EXTL3: variants seen among roughly 807,000 people sequenced by gnomAD.
EXTL3 encodes exostosin-like 3.
Under a neutral mutation model 69.3 loss-of-function variants are expected in EXTL3, and 27 were observed. That is an observed-to-expected ratio of 0.39 (90% CI 0.29 to 0.54). The LOEUF is 0.54. Among genes scored for constraint, EXTL3 ranks in the 20% least tolerant of loss-of-function variants. The probability of loss-of-function intolerance (pLI) is 0.69; values close to 1 mark genes in which losing one functional copy is unlikely to be tolerated. For synonymous variants in EXTL3, 511 were observed against 499.4 expected (o/e 1.02, Z -0.31); for missense variants, 1,003 against 1,231.8 (o/e 0.81, Z 2.78).
chr8:28,705,759 G>A lies in EXTL3; in HGVS notation c.-570+4100G>A, dbSNP rs2130711498. Among the ~76,000 whole-genome samples, 4 of 152,308 alleles carry A rather than the reference G, an allele frequency of 2.6e-5. No individual in the cohort carries two copies. In the South Asian group the frequency reaches 8.3e-4, roughly 32 times the overall value. On this transcript the variant is annotated intron_variant, in intron 1 of 6. Transcript: ENST00000220562. Reference sequence around the variant, plus strand: ...TAGGCACTTGCATACTAAGTTGACTGTTCTGAGAATAAGTTAGCAAAATCC... The same window carrying A: ...TAGGCACTTGCATACTAAGTTGACTATTCTGAGAATAAGTTAGCAAAATCC...
intron 1 of EXTL3, among the ~76,000 whole-genome samples, chr8:28,689,821 A>C (rs1321945664): frequency 6.6e-6 from 1 of 152,264 alleles, no homozygotes; most frequent in African/African-American, 2.4e-5. Flanking sequence ...TTAAGCATAT[A>C]AACTTGCAGG....
At chr8:28,672,801 T>C (rs1807318120) in intron 1 of EXTL3, among the ~76,000 whole-genome samples, 2 of 152,190 alleles carry the variant, frequency 1.3e-5, no homozygotes, top group Admixed American at 6.5e-5. Flanking sequence ...GTAACCGATA[T>C]GGTTTGGCTG....
Position 28,717,261 on chromosome 8 carries a change from A to G in EXTL3, c.1202A>G (p.Lys401Arg). ...CAGGTCCTGGTGGAATTCACCTGCA[A>G]AAACCAGCCCAAACCCAGCCTGCCG... ...LDQVLVEFTCKNQPKPSLPTE... is the reference protein window; with the variant it reads ...LDQVLVEFTCRNQPKPSLPTE... The change falls in exon 3 of 7, where the codon AAA (lysine) becomes AGA (arginine). Residue 401 changes from lysine to arginine, a missense_variant. Lys to Arg is a conservative substitution (Grantham distance 26). Around this residue, in one of 2 missense-constraint regions of EXTL3, gnomAD observed 742 missense variants for 815.4 expected, o/e 0.91. Transcript: ENST00000220562. This position sits in a 1 kb window ranked among gnomAD's most constrained non-coding sequence, Gnocchi z 8.3. 1.2e-6 allele frequency: 2 copies of G among 1,614,224 alleles called. No individual in the cohort carries two copies. Among genetic ancestry groups the G allele is most frequent in the Non-Finnish European group, 1.7e-6 (2 of 1,180,040 alleles).
chr8:28,705,350 GTAA>G (rs963399139), intron 1 of EXTL3, among the ~76,000 whole-genome samples: 2 of 152,138 alleles, frequency 1.3e-5, no homozygotes, highest in Non-Finnish European at 2.9e-5. Flanking sequence ...CAGAAATATG[GTAA>G]TGATGATGGG....
At chr8:28,614,520 C>T (rs978701494) in intron 2 of EXTL3, among the ~76,000 whole-genome samples, 7 of 151,956 alleles carry the variant, frequency 4.6e-5, no homozygotes, top group South Asian at 2.1e-4. Flanking sequence ...GCGATCCACC[C>T]GCCTCGGCCT....
chr8:28,701,034 T>C (rs1178595751), upstream of EXTL3: 2 of 152,290 alleles, frequency 1.3e-5, no homozygotes, highest in African/African-American at 4.8e-5. Flanking sequence ...GTCTTTGTTA[T>C]GAAATAGTCA....
upstream of EXTL3, chr8:28,697,293 T>C (rs1585256340): frequency 1.3e-5 from 2 of 152,208 alleles, no homozygotes; most frequent in African/African-American, 2.4e-5. Flanking sequence ...ACTGTGATGT[T>C]TGGACCAGGA....
chr8:28,639,217 T>C (rs1481761839), intron 1 of EXTL3, among the ~76,000 whole-genome samples: 1 of 152,164 alleles, frequency 6.6e-6, no homozygotes, highest in Non-Finnish European at 1.5e-5. Flanking sequence ...ATTACAGGCG[T>C]GAGCCACCGC....
chr8:28,649,368 CT>C (rs781086717), intron 1 of EXTL3, among the ~76,000 whole-genome samples: 1 of 152,168 alleles, frequency 6.6e-6, no homozygotes, highest in Non-Finnish European at 1.5e-5. Flanking sequence ...GCTTTTGCTT[CT>C]CCTCTGTCTC....
At chr8:28,738,573 C>T (rs925630781) in intron 5 of EXTL3, among the ~76,000 whole-genome samples, 2 of 152,176 alleles carry the variant, frequency 1.3e-5, no homozygotes, top group Non-Finnish European at 2.9e-5. Context: ...TGAAGTGTTC[C>T]CGGGCCCTGA....
chr8:28,651,549 T>C (rs1023413518), intron 1 of EXTL3, among the ~76,000 whole-genome samples: 1 of 152,152 alleles, frequency 6.6e-6, no homozygotes, highest in African/African-American at 2.4e-5. Context: ...AATCTCAAAC[T>C]CCTGGGCTCA....
chr8:28,713,840 C>T (rs979477589), intron 2 of EXTL3, among the ~76,000 whole-genome samples: 1 of 151,886 alleles, frequency 6.6e-6, no homozygotes, highest in Non-Finnish European at 1.5e-5. Context: ...GTGACTCACA[C>T]CATCATTTCC....
chr8:28,720,351 C>T (rs1368160136), intron 3 of EXTL3, among the ~76,000 whole-genome samples: 2 of 152,086 alleles, frequency 1.3e-5, no homozygotes, highest in Admixed American at 1.3e-4. Context: ...AGTGAATCTA[C>T]CCAGGAACCT....
At chr8:28,714,133 TGACCTCAGGA>T (rs1053725960) in intron 2 of EXTL3, among the ~76,000 whole-genome samples, 6 of 152,124 alleles carry the variant, frequency 3.9e-5, no homozygotes, top group Non-Finnish European at 2.9e-5. Flanking sequence ...CTCAAACTCC[TGACCTCAGGA>T]GATCCGCTCG....
rs140221337 is a variant in EXTL3 at position 28,662,896 on chromosome 8, G to T, written c.-53+40086G>T. 3.1e-3 allele frequency among the ~76,000 whole-genome samples: 476 copies of T among 152,264 alleles called. 7 individuals are homozygous for T. Among genetic ancestry groups the T allele is most frequent in the African/African-American group, 0.011 (459 of 41,550 alleles). On this transcript the variant is annotated intron_variant, in intron 1 of 6. Coordinates refer to the EXTL3 transcript ENST00000523149. ...CACCATTGCCCAGTTGTTTGAGGCT[G>T]CAGTGAACCACGATTGTGCCACTGC...
intron 1 of EXTL3, among the ~76,000 whole-genome samples, chr8:28,632,115 A>AG (rs34217880): frequency 2.0e-5 from 3 of 149,580 alleles, no homozygotes; most frequent in Non-Finnish European, 4.4e-5. Flanking sequence ...AAAAAAAAAA[A>AG]TTTATCTTGG....
chr8:28,678,129 G>C (rs1807418866), intron 1 of EXTL3: 1 of 152,460 alleles, frequency 6.6e-6, no homozygotes, highest in African/African-American at 2.4e-5. Flanking sequence ...GAGTGGAGGA[G>C]AGAAGAAGGC....
At chr8:28,663,250 A>T (rs78187787) in intron 1 of EXTL3, among the ~76,000 whole-genome samples, 6,292 of 152,146 alleles carry the variant, frequency 0.041, 169 homozygotes, top group African/African-American at 0.053. Context: ...CCATGGTAAG[A>T]TTAGGATGGG....
Position 28,743,138 on chromosome 8 carries a change from T to C in EXTL3, c.2474T>C (p.Val825Ala). 6.2e-7 allele frequency: 1 copy of C among 1,614,170 alleles called. No individual in the cohort carries two copies. Among genetic ancestry groups the C allele is most frequent in the Non-Finnish European group, 8.5e-7 (1 of 1,179,970 alleles). Reference sequence around the variant, plus strand: ...ATGCCCCAGGCCATCCGGGACATGGTGGATGAATACATCAACTGTGAGGAC... The same window carrying C: ...ATGCCCCAGGCCATCCGGGACATGGCGGATGAATACATCAACTGTGAGGAC... ...YVMPQAIRDM[V>A]DEYINCEDIA... Residue 825 changes from valine (V) to alanine (A), a missense_variant, in exon 6 of 7, where the codon GTG becomes GCG. Around this residue, in one of 2 missense-constraint regions of EXTL3, gnomAD observed 261 missense variants for 416.4 expected, o/e 0.63. Coordinates refer to ENST00000220562, the MANE Select transcript of EXTL3 (RefSeq NM_001440.4).
Sources: allele counts gnomAD v4.1 joint callset (sites outside exome capture counted in the v4.1 genomes callset), GRCh38; gene constraint gnomAD v4.1.1; regional missense constraint gnomAD v4.1.1; non-coding constraint Gnocchi (gnomAD v3.1); transcripts MANE v1.5; gene names NCBI Gene and HGNC (gene_info 2026-07-23, HGNC 2026-07-21).